Variants in TTLL11 observed in about 807,000 individuals in gnomAD.
TTLL11 encodes the protein tubulin polyglutamylase TTLL11.
TTLL11 carries 42 observed loss-of-function variants against 51.7 expected under a neutral mutation model. The ratio of observed to expected loss-of-function variants is 0.81; its 90% confidence interval spans 0.64 to 1.05. The LOEUF (loss-of-function observed/expected upper bound fraction) is 1.05. Ranked by LOEUF, TTLL11 falls within the 50% of genes least tolerant of loss-of-function variation. TTLL11 has a pLI of 0.00. For missense variants in TTLL11, 799 were observed against 940.4 expected, an observed-to-expected ratio of 0.85 and a Z score of 1.97; for synonymous variants, 381 against 383.5, an observed-to-expected ratio of 0.99 and a Z score of 0.08.
intron 6 of TTLL11, among the ~76,000 whole-genome samples, chr9:121,920,288 T>G (rs953383209): frequency 1.3e-5 from 2 of 152,128 alleles, no homozygotes; most frequent in African/African-American, 4.8e-5. Context: ...GGTGACAAGG[T>G]GAGACTCTGT....
At chr9:121,946,443 G>A (rs115535482) in intron 6 of TTLL11, among the ~76,000 whole-genome samples, 1,570 of 152,270 alleles carry the variant, frequency 0.01, 36 homozygotes, top group Admixed American at 0.05. Context: ...GCTCATGGCC[G>A]ACTAGGCAAA....
At chr9:121,900,555 C>T (rs1333999233) in intron 6 of TTLL11, among the ~76,000 whole-genome samples, 1 of 152,160 alleles carries the variant, frequency 6.6e-6, no homozygotes, top group Non-Finnish European at 1.5e-5. Context: ...AATTCTCAGC[C>T]TTAACGTCTT....
intron 3 of TTLL11, among the ~76,000 whole-genome samples, chr9:122,002,430 C>T (rs1843495840): frequency 6.6e-6 from 1 of 152,198 alleles, no homozygotes; most frequent in South Asian, 2.1e-4. Context: ...GGCTCCAACT[C>T]TTTCCTTAGG....
At chr9:121,885,966 G>A (rs900671137) in intron 6 of TTLL11, among the ~76,000 whole-genome samples, 1 of 152,136 alleles carries the variant, frequency 6.6e-6, no homozygotes, top group African/African-American at 2.4e-5. Context: ...TGGGCTCAAG[G>A]AAACCTTCTG....
intron 6 of TTLL11, among the ~76,000 whole-genome samples, chr9:121,931,704 AGGGCTTGT>A (rs1179787712): frequency 6.6e-6 from 1 of 152,136 alleles, no homozygotes; most frequent in Non-Finnish European, 1.5e-5. Context: ...TGCTGAGAAC[AGGGCTTGT>A]GGAACAATAG....
In TTLL11 at chr9:121,978,846, T is replaced by G. The variant is rs143111754; in HGVS notation, c.1270-3867A>C. On this transcript the variant is annotated intron_variant, in intron 4 of 8. Coordinates refer to ENST00000321582, the MANE Select transcript of TTLL11 (RefSeq NM_001139442.2). ...CCTACCCTTCCATCTGCATCCACAG[T>G]ATCCCCAACTGGGAGGTCCTAGAGT... Among the ~76,000 whole-genome samples the G allele has an allele frequency of 6.2e-4, 95 of 152,296 alleles. 1 individual carries two copies. The highest frequency in any genetic ancestry group is 2.1e-3 in the African/African-American group (89 of 41,566).
chr9:122,032,702 T>C (rs1844588977), intron 2 of TTLL11, among the ~76,000 whole-genome samples: 1 of 151,656 alleles, frequency 6.6e-6, no homozygotes, highest in Non-Finnish European at 1.5e-5. Flanking sequence ...TTAGTAACTC[T>C]GACAAGAGAA....
chr9:121,989,697 C>T lies in TTLL11; in HGVS notation c.767G>A (p.Gly256Asp). Residue 256 changes from glycine to aspartate, a missense_variant, in exon 4 of 9, where the codon GGT becomes GAT. Gly to Asp is a moderately conservative substitution (Grantham distance 94). Around this residue, in one of 3 missense-constraint regions of TTLL11, gnomAD observed 468 missense variants for 612.8 expected, o/e 0.76. Coordinates refer to ENST00000321582, the MANE Select transcript of TTLL11 (RefSeq NM_001139442.2). The surrounding 1 kb of genome is among the most constrained non-coding windows in gnomAD (Gnocchi z 4.2). Reference protein sequence around the residue: ...FIVKPDGGCQGDGIYLIKDPS... With the variant: ...FIVKPDGGCQDDGIYLIKDPS... Reference sequence around the variant, plus strand: ...GTCTTTAATGAGGTAGATTCCATCACCCTGACAACCACCATCAGGTTTCAC... The same window carrying T: ...GTCTTTAATGAGGTAGATTCCATCATCCTGACAACCACCATCAGGTTTCAC... 6.2e-7 allele frequency: 1 copy of T among 1,613,690 alleles called. No individual in the cohort carries two copies. Among genetic ancestry groups the T allele is most frequent in the Non-Finnish European group, 8.5e-7 (1 of 1,179,664 alleles).
At chr9:122,065,278 C>T (rs889657313) in intron 1 of TTLL11, among the ~76,000 whole-genome samples, 2 of 152,012 alleles carry the variant, frequency 1.3e-5, no homozygotes, top group Non-Finnish European at 2.9e-5. Context: ...TAGAGTTCCT[C>T]GAAGTAATTT....
At chr9:122,033,325 C>T (rs1844608740) in intron 2 of TTLL11, among the ~76,000 whole-genome samples, 1 of 152,150 alleles carries the variant, frequency 6.6e-6, no homozygotes, top group Non-Finnish European at 1.5e-5. Flanking sequence ...GTTGGCCAGG[C>T]TGGTCTCAAA....
intron 6 of TTLL11, among the ~76,000 whole-genome samples, chr9:121,901,589 G>C (rs546015626): frequency 6.6e-6 from 1 of 152,004 alleles, no homozygotes; most frequent in Non-Finnish European, 1.5e-5. Flanking sequence ...AGAAGACACT[G>C]TCTTTCCCTC....
intron 3 of TTLL11, among the ~76,000 whole-genome samples, chr9:121,997,194 GC>G (rs1176382905): frequency 1.3e-5 from 2 of 151,946 alleles, no homozygotes; most frequent in African/African-American, 4.8e-5. Context: ...CAACAAAAAA[GC>G]CTCTCTAGAA....
chr9:121,855,981 A>G (rs1490495274), intron 8 of TTLL11, among the ~76,000 whole-genome samples: 1 of 152,180 alleles, frequency 6.6e-6, no homozygotes, highest in Non-Finnish European at 1.5e-5. Flanking sequence ...ACTGTATGTC[A>G]TATTCATTTG....
At chr9:121,950,309 T>C (rs2131600002) in intron 6 of TTLL11, among the ~76,000 whole-genome samples, 2 of 152,234 alleles carry the variant, frequency 1.3e-5, no homozygotes, top group Admixed American at 1.3e-4. Context: ...GTAACCATGA[T>C]CACAGCACAG....
intron 4 of TTLL11, among the ~76,000 whole-genome samples, chr9:121,988,547 C>T (rs1406822602): frequency 6.6e-6 from 1 of 152,138 alleles, no homozygotes; most frequent in African/African-American, 2.4e-5. Flanking sequence ...CTTTGCCTCC[C>T]CTACCCCTAC....
chr9:121,826,553 G>GTATATATATATATATATATATATA (rs1385087890), intron 8 of TTLL11, among the ~76,000 whole-genome samples: 10 of 45,220 alleles, frequency 2.2e-4, no homozygotes, highest in South Asian at 6.5e-4. Context: ...ATATATATGT[G>GTATATATATATATATATATATATA]TGTGTATATA....
intron 6 of TTLL11, among the ~76,000 whole-genome samples, chr9:121,917,182 G>A (rs2131514397): frequency 6.6e-6 from 1 of 152,192 alleles, no homozygotes; most frequent in Middle Eastern, 3.4e-3. Flanking sequence ...TAAAAGTAGA[G>A]GGTGGCTGCA....
chr9:121,826,553 G>GTATATATATATATATA (rs1385087890), intron 8 of TTLL11, among the ~76,000 whole-genome samples: 34 of 45,206 alleles, frequency 7.5e-4, no homozygotes, highest in African/African-American at 5.4e-3. Context: ...ATATATATGT[G>GTATATATATATATATA]TGTGTATATA....
chr9:121,857,813 A>G lies in TTLL11; in HGVS notation c.1840+2524T>C, dbSNP rs114757846. 5.4e-3 allele frequency among the ~76,000 whole-genome samples: 824 copies of G among 152,338 alleles called. 13 individuals carry two copies. The highest frequency in any genetic ancestry group is 0.019 in the African/African-American group (788 of 41,570). ...ACCGGGAGCAATTTAAGAGGCAAACAAAACATGAAAAACTACTCAGAATTA... is the reference window on the plus strand; with the variant it reads ...ACCGGGAGCAATTTAAGAGGCAAACGAAACATGAAAAACTACTCAGAATTA... On this transcript the variant is annotated intron_variant, in intron 8 of 8. Coordinates refer to ENST00000321582, the MANE Select transcript of TTLL11 (RefSeq NM_001139442.2).
Sources: allele counts gnomAD v4.1 joint callset (sites outside exome capture counted in the v4.1 genomes callset), GRCh38; gene constraint gnomAD v4.1.1; regional missense constraint gnomAD v4.1.1; non-coding constraint Gnocchi (gnomAD v3.1); transcripts MANE v1.5; gene names NCBI Gene and HGNC (gene_info 2026-07-23, HGNC 2026-07-21).